The following PRELID2 variants were observed in gnomAD, a reference collection of about 807,000 sequenced individuals.
The protein encoded by PRELID2 is PRELI domain containing 2.
PRELID2 carries 25 observed loss-of-function variants against 28.4 expected under a neutral mutation model. The ratio of observed to expected loss-of-function variants is 0.88; its 90% CI spans 0.64 to 1.23. The LOEUF (loss-of-function observed/expected upper bound fraction) is 1.23, where lower values mean the gene tolerates loss of function less well. Among genes scored for constraint, PRELID2 ranks in the 50% most tolerant of loss-of-function variants. The pLI is 0.00. For missense variants in PRELID2, 201 were observed against 214.4 expected (o/e 0.94, Z 0.39); for synonymous variants, 76 against 71.6 (o/e 1.06, Z -0.31).
the PRELID2 span, among the ~76,000 whole-genome samples, chr5:145,428,537 G>T: frequency 6.6e-6 from 1 of 152,148 alleles, no homozygotes; most frequent in Non-Finnish European, 1.5e-5. Flanking sequence ...AAGGGCTACG[G>T]AGAAGTTGTG....
At chr5:145,612,254 T>A (rs1042693598) in intron 1 of PRELID2, among the ~76,000 whole-genome samples, 1 of 152,142 alleles carries the variant, frequency 6.6e-6, no homozygotes, top group African/African-American at 2.4e-5. Context: ...TGTACTTAGG[T>A]AAGGGAAAGA....
At chr5:145,731,008 C>G (rs762163999) in intron 1 of PRELID2, among the ~76,000 whole-genome samples, 2 of 152,206 alleles carry the variant, frequency 1.3e-5, no homozygotes, top group Non-Finnish European at 2.9e-5. Context: ...AATACATACT[C>G]TTAATCTGTA....
intron 1 of PRELID2, among the ~76,000 whole-genome samples, chr5:145,476,233 T>A (rs1752100208): frequency 6.6e-6 from 1 of 152,254 alleles, no homozygotes; most frequent in Non-Finnish European, 1.5e-5. Context: ...ACTGCCCATT[T>A]ATTCTAGTCA....
At chr5:145,817,220 A>ATATATATATATATATATATATAT (rs1265574987) in intron 4 of PRELID2, among the ~76,000 whole-genome samples, 14 of 66,484 alleles carry the variant, frequency 2.1e-4, no homozygotes, top group South Asian at 5.7e-4. Context: ...AATAAAAAAA[A>ATATATATATATATATATATATAT]ATATATATAT....
the PRELID2 span, among the ~76,000 whole-genome samples, chr5:145,342,309 T>C: frequency 6.6e-6 from 1 of 151,864 alleles, no homozygotes; most frequent in Admixed American, 6.6e-5. Flanking sequence ...TGAAAACACA[T>C]GAAAATATAA....
At chr5:145,614,170 T>C (rs1753662254) in intron 1 of PRELID2, among the ~76,000 whole-genome samples, 2 of 152,246 alleles carry the variant, frequency 1.3e-5, no homozygotes, top group Admixed American at 1.3e-4. Context: ...TCTGTTCCAC[T>C]GGTCTTTGTG....
chr5:145,668,667 T>C (rs974244235), intron 1 of PRELID2, among the ~76,000 whole-genome samples: 1 of 152,092 alleles, frequency 6.6e-6, no homozygotes, highest in African/African-American at 2.4e-5. Context: ...CACAACCCTA[T>C]TTCAATGGAA....
intron 1 of PRELID2, among the ~76,000 whole-genome samples, chr5:145,610,271 C>A (rs1203046025): frequency 2.6e-5 from 4 of 152,156 alleles, no homozygotes; most frequent in Admixed American, 2.6e-4. Context: ...CCTCCCTGCT[C>A]TCTGTGTCCC....
the PRELID2 span, among the ~76,000 whole-genome samples, chr5:145,415,923 C>T: frequency 6.6e-6 from 1 of 152,154 alleles, no homozygotes; most frequent in African/African-American, 2.4e-5. Context: ...CCTATTTCTC[C>T]ACTTCCTCTC....
chr5:145,301,930 C>CT, the PRELID2 span, among the ~76,000 whole-genome samples: 54,557 of 110,218 alleles, frequency 0.49, 12,934 homozygotes, highest in East Asian at 0.71. Context: ...TTATTCATTT[C>CT]TTTTTTTTTT....
intron 1 of PRELID2, among the ~76,000 whole-genome samples, chr5:145,623,969 G>A (rs984793778): frequency 6.6e-6 from 1 of 151,936 alleles, no homozygotes; most frequent in Non-Finnish European, 1.5e-5. Flanking sequence ...TCGCCAGTAC[G>A]TCAGATGACC....
intron 1 of PRELID2, among the ~76,000 whole-genome samples, chr5:145,615,939 G>T (rs958899671): frequency 6.6e-6 from 1 of 152,142 alleles, no homozygotes; most frequent in South Asian, 2.1e-4. Context: ...CTTGGTAATG[G>T]CAAATTACCT....
At chr5:145,646,700 G>C (rs1754201978) in intron 1 of PRELID2, among the ~76,000 whole-genome samples, 1 of 152,144 alleles carries the variant, frequency 6.6e-6, no homozygotes, top group Non-Finnish European at 1.5e-5. Context: ...TGATGTTGCT[G>C]ACCTTCAGAT....
intron 1 of PRELID2, among the ~76,000 whole-genome samples, chr5:145,685,857 A>T (rs1412869764): frequency 6.6e-6 from 1 of 152,132 alleles, no homozygotes; most frequent in Non-Finnish European, 1.5e-5. Flanking sequence ...CAGCTTCCCT[A>T]TCCTGGACAG....
the PRELID2 span, among the ~76,000 whole-genome samples, chr5:145,236,218 A>G: frequency 0.24 from 36,523 of 152,040 alleles, 5,420 homozygotes; most frequent in Non-Finnish European, 0.31. Flanking sequence ...TAAGAGGATG[A>G]TATATCCTCA....
chr5:145,343,437 A>G, the PRELID2 span, among the ~76,000 whole-genome samples: 1 of 151,960 alleles, frequency 6.6e-6, no homozygotes, highest in Non-Finnish European at 1.5e-5. Context: ...TTGAGTCAAC[A>G]AAGAAAATTA....
chr5:145,811,486 G>A (rs952495475), intron 4 of PRELID2, among the ~76,000 whole-genome samples: 10 of 152,090 alleles, frequency 6.6e-5, no homozygotes, highest in African/African-American at 2.2e-4. Flanking sequence ...CAAAGTCTTG[G>A]TATGTCACCA....
chr5:145,519,516 T>C lies in PRELID2; in HGVS notation n.71-46201A>G, dbSNP rs531134538. 1.1e-4 allele frequency among the ~76,000 whole-genome samples: 16 copies of C among 152,330 alleles called. 1 individual carries two copies. The South Asian group carries it at 3.1e-3, about 30-fold the overall frequency. ...TGATAGTCACTTTCTTACACTTTTC[T>C]GATTATCCACTTGAAAAACATTAAC... On this transcript the variant is annotated intron_variant and non_coding_transcript_variant, in intron 1 of 2. Transcript: ENST00000510259.
intron 1 of PRELID2, among the ~76,000 whole-genome samples, chr5:145,712,233 T>C (rs1755714967): frequency 6.6e-6 from 1 of 152,260 alleles, no homozygotes; most frequent in South Asian, 2.1e-4. Flanking sequence ...ATAAATGAAT[T>C]ACATTTTAAA....
Sources: allele counts gnomAD v4.1 joint callset (sites outside exome capture counted in the v4.1 genomes callset), GRCh38; gene constraint gnomAD v4.1.1; transcripts MANE v1.5; gene names NCBI Gene and HGNC (gene_info 2026-07-23, HGNC 2026-07-21).